The following GPC6 variants were observed in gnomAD, a reference collection of about 807,000 sequenced individuals.
GPC6 encodes the protein glypican-6.
GPC6 carries 14 observed loss-of-function variants against 55.2 expected under a neutral mutation model. That is an observed-to-expected ratio of 0.25 (90% CI 0.17 to 0.40). The LOEUF (loss-of-function observed/expected upper bound fraction) is 0.40, where lower values mean the gene tolerates loss of function less well. Among genes scored for constraint, GPC6 ranks in the 10% least tolerant of loss-of-function variants. The probability of loss-of-function intolerance (pLI) is 1.00; values close to 1 mark genes in which losing one functional copy is unlikely to be tolerated. For missense variants in GPC6, 641 were observed against 708.5 expected (o/e 0.90, Z 1.08); for synonymous variants, 278 against 259.6 (o/e 1.07, Z -0.68).
At chr13:93,248,437 G>GTTT (rs74531292) in intron 1 of GPC6, among the ~76,000 whole-genome samples, 9 of 137,172 alleles carry the variant, frequency 6.6e-5, no homozygotes, top group Admixed American at 7.3e-5. Context: ...CACAAAAAGT[G>GTTT]TTTTTTTTTT....
At chr13:93,280,466 A>T (rs181112546) in intron 1 of GPC6, among the ~76,000 whole-genome samples, 134 of 152,366 alleles carry the variant, frequency 8.8e-4, no homozygotes, top group African/African-American at 2.5e-3. Flanking sequence ...TGTCATTCAT[A>T]CTTTCCTCAC....
intron 2 of GPC6, among the ~76,000 whole-genome samples, chr13:93,718,416 G>C: frequency 6.6e-6 from 1 of 151,992 alleles, no homozygotes; most frequent in East Asian, 1.9e-4. Flanking sequence ...TTTGAAAAGT[G>C]TCTGTTCATA....
At chr13:94,101,658 C>A (rs7322047) in intron 4 of GPC6, among the ~76,000 whole-genome samples, 114,222 of 152,032 alleles carry the variant, frequency 0.75, 43,229 homozygotes, top group Middle Eastern at 0.85. Flanking sequence ...ATGCTTCCTC[C>A]ATTTTGAACT....
intron 1 of GPC6, among the ~76,000 whole-genome samples, chr13:93,347,521 A>T (rs1286265957): frequency 6.6e-6 from 1 of 152,160 alleles, no homozygotes; most frequent in Non-Finnish European, 1.5e-5. Flanking sequence ...ATGAGAGGGC[A>T]TGAGAAGCAA....
chr13:93,912,607 G>A (rs1877058437), intron 3 of GPC6, among the ~76,000 whole-genome samples: 1 of 152,168 alleles, frequency 6.6e-6, no homozygotes, highest in Non-Finnish European at 1.5e-5. Flanking sequence ...GCCTGGTGTG[G>A]TGGCGGGCGC....
At chr13:94,251,626 G>A (rs1185969593) in intron 4 of GPC6, among the ~76,000 whole-genome samples, 1 of 151,470 alleles carries the variant, frequency 6.6e-6, no homozygotes, top group Non-Finnish European at 1.5e-5. Flanking sequence ...CCGTTGTCAC[G>A]TCCTTTGTTA....
chr13:93,994,910 G>A (rs1183641680), intron 3 of GPC6, among the ~76,000 whole-genome samples: 1 of 152,112 alleles, frequency 6.6e-6, no homozygotes, highest in African/African-American at 2.4e-5. Flanking sequence ...TCTGTGCCCA[G>A]GCAAACCTTA....
intron 3 of GPC6, among the ~76,000 whole-genome samples, chr13:93,945,993 C>T (rs530419024): frequency 6.6e-6 from 1 of 152,148 alleles, no homozygotes; most frequent in South Asian, 2.1e-4. Flanking sequence ...TACAGACATG[C>T]TACACATTAA....
intron 1 of GPC6, among the ~76,000 whole-genome samples, chr13:93,276,498 G>GTA (rs1877755620): frequency 1.1e-5 from 1 of 90,850 alleles, no homozygotes; most frequent in Non-Finnish European, 2.2e-5. Flanking sequence ...GAGAGAGAGT[G>GTA]TGTGTGTGTG....
chr13:93,703,868 C>T (rs573128877), intron 2 of GPC6, among the ~76,000 whole-genome samples: 63 of 151,920 alleles, frequency 4.1e-4, no homozygotes, highest in Middle Eastern at 6.8e-3. Flanking sequence ...TTGTTATAAC[C>T]GTGATTACAG....
the GPC6 span, among the ~76,000 whole-genome samples, chr13:93,219,081 T>C: frequency 4.0e-5 from 6 of 149,082 alleles, no homozygotes; most frequent in African/African-American, 1.5e-4. Context: ...TACCCTGTCT[T>C]TCTTTCCTAT....
chr13:94,180,246 G>T (rs1888942842), intron 4 of GPC6, among the ~76,000 whole-genome samples: 5 of 152,168 alleles, frequency 3.3e-5, no homozygotes, highest in Admixed American at 3.3e-4. Flanking sequence ...GTAGTTCTTA[G>T]TTCCTGGGTT....
chr13:94,358,566 C>G (rs943082210), intron 6 of GPC6, among the ~76,000 whole-genome samples: 8 of 152,176 alleles, frequency 5.3e-5, no homozygotes, highest in African/African-American at 1.9e-4. Flanking sequence ...AGAGATCACA[C>G]TGTCTACTCT....
intron 4 of GPC6, among the ~76,000 whole-genome samples, chr13:94,061,098 A>G (rs778831575): frequency 2.0e-4 from 31 of 152,326 alleles, no homozygotes; most frequent in Middle Eastern, 3.4e-3. Flanking sequence ...TATGTAAGCA[A>G]TGGAGCATAT....
chr13:93,815,395 G>C (rs1594480806), intron 2 of GPC6, among the ~76,000 whole-genome samples: 1 of 152,028 alleles, frequency 6.6e-6, no homozygotes, highest in Admixed American at 6.5e-5. Flanking sequence ...ATATGTAACT[G>C]TATCAAAGTA....
chr13:93,697,925 C>A (rs1162432186), intron 2 of GPC6, among the ~76,000 whole-genome samples: 1 of 152,034 alleles, frequency 6.6e-6, no homozygotes, highest in Non-Finnish European at 1.5e-5. Context: ...CTTTTATTTC[C>A]CATGGAACTT....
chr13:93,265,807 CT>C (rs141252461), intron 1 of GPC6, among the ~76,000 whole-genome samples: 30,392 of 144,950 alleles, frequency 0.21, 3,198 homozygotes, highest in African/African-American at 0.28. Context: ...TCTTTTTTTT[CT>C]TTTTTTTTTC....
chr13:94,202,534 G>A (rs948007304), intron 4 of GPC6, among the ~76,000 whole-genome samples: 1 of 152,158 alleles, frequency 6.6e-6, no homozygotes, highest in Non-Finnish European at 1.5e-5. Flanking sequence ...CAAGAGAACA[G>A]TATGGGGGAA....
chr13:93,781,679 A>C (rs1305089384), intron 2 of GPC6, among the ~76,000 whole-genome samples: 1 of 152,182 alleles, frequency 6.6e-6, no homozygotes, highest in Non-Finnish European at 1.5e-5. Context: ...AATGTCTGAG[A>C]CTGTCTGAGC....
Sources: gnomAD v4.1 joint callset for allele counts (sites outside exome capture counted in the v4.1 genomes callset) on GRCh38, gnomAD v4.1.1 for gene constraint, MANE v1.5 for transcripts, NCBI Gene and HGNC (gene_info 2026-07-23, HGNC 2026-07-21) for gene names.